The following SLC6A5 variants were observed in gnomAD, a reference collection of about 807,000 sequenced individuals.
The protein encoded by SLC6A5 is sodium- and chloride-dependent glycine transporter 2.
A neutral mutation model predicts 90.5 loss-of-function variants in SLC6A5; 58 were observed. The observed-to-expected ratio is 0.64, with a 90% CI of 0.52 to 0.80. The LOEUF (loss-of-function observed/expected upper bound fraction) is 0.80. Ranked by LOEUF, SLC6A5 falls within the 30% of genes least tolerant of loss-of-function variation. The pLI, the probability that SLC6A5 is intolerant of heterozygous loss-of-function variation, is 0.00. For synonymous variants in SLC6A5, 427 were observed against 401.4 expected, an observed-to-expected ratio of 1.06 and a Z score of -0.76; for missense variants, 1,015 against 1,017.6, an observed-to-expected ratio of 1.00 and a Z score of 0.03.
At chr11:20,629,706 G>C (rs554284126) in intron 9 of SLC6A5, among the ~76,000 whole-genome samples, 1 of 150,742 alleles carries the variant, frequency 6.6e-6, no homozygotes, top group South Asian at 2.1e-4. Flanking sequence ...TGTTAATATA[G>C]TCATCTCATA....
intron 1 of SLC6A5, among the ~76,000 whole-genome samples, chr11:20,600,335 GGAAGAA>G (rs55891826): frequency 0.14 from 12,610 of 87,762 alleles, 757 homozygotes; most frequent in African/African-American, 0.15. Context: ...AAGAAGAAGA[GGAAGAA>G]GAAGAAGAAG....
At chr11:20,633,128 C>T (rs541728688) in intron 10 of SLC6A5, among the ~76,000 whole-genome samples, 1 of 152,136 alleles carries the variant, frequency 6.6e-6, no homozygotes, top group Non-Finnish European at 1.5e-5. Context: ...ATATGCATTA[C>T]CACCTATGGA....
At chr11:20,614,098 C>T (rs922169614) in intron 5 of SLC6A5, among the ~76,000 whole-genome samples, 19 of 152,192 alleles carry the variant, frequency 1.2e-4, no homozygotes, top group Admixed American at 3.3e-4. Flanking sequence ...GTACACAGCA[C>T]GTGTATCCTA....
At chr11:20,636,827 A>T (rs553409865) in intron 11 of SLC6A5, among the ~76,000 whole-genome samples, 48 of 152,266 alleles carry the variant, frequency 3.2e-4, no homozygotes, top group Non-Finnish European at 6.8e-4. Context: ...GGGTGCAAAG[A>T]GGGTTTTTCC....
At chr11:20,631,437 T>C (rs189139261) in intron 10 of SLC6A5, among the ~76,000 whole-genome samples, 2 of 152,232 alleles carry the variant, frequency 1.3e-5, no homozygotes, top group African/African-American at 4.8e-5. Context: ...GATCTTTTTA[T>C]TAATGGCTAA....
intron 8 of SLC6A5, 66 bp from the exon 9 acceptor site, chr11:20,627,914 T>A: frequency 9.4e-6 from 11 of 1,168,776 alleles, no homozygotes; most frequent in Non-Finnish European, 1.4e-5. Context: ...ACTGGGTGTG[T>A]GACTCCTCTC....
intron 4 of SLC6A5, 75 bp downstream of exon 4, chr11:20,607,213 G>A: frequency 6.5e-7 from 1 of 1,538,342 alleles, no homozygotes; most frequent in Non-Finnish European, 8.8e-7. Flanking sequence ...CAGCCCCAGG[G>A]AGGGAGACCT....
chr11:20,647,365 T>TAA (rs1308513932), intron 14 of SLC6A5, among the ~76,000 whole-genome samples: 7 of 136,338 alleles, frequency 5.1e-5, no homozygotes, highest in Non-Finnish European at 9.5e-5. Context: ...GTTATATATA[T>TAA]AACTATATAT....
At chr11:20,630,248 A>T (rs533802613) in intron 9 of SLC6A5, among the ~76,000 whole-genome samples, 1 of 152,310 alleles carries the variant, frequency 6.6e-6, no homozygotes, top group South Asian at 2.1e-4. Context: ...CTGTGTCTTC[A>T]TATGGTGGAA....
chr11:20,637,122 C>T (rs2133809287), intron 11 of SLC6A5, 50 bp from the exon 12 acceptor site: 2 of 1,604,620 alleles, frequency 1.2e-6, no homozygotes, highest in Non-Finnish European at 1.7e-6. Context: ...GGGGGTACCT[C>T]CTGGGTGGTA....
rs1479545716 is a variant in SLC6A5 at position 20,658,336 on chromosome 11, A to T, written c.*3468A>T. On this transcript the variant is annotated 3_prime_UTR_variant, in exon 16 of 16. Transcript: ENST00000525748. ...GCTCAATGTAAGATGAGATGGCAAG[A>T]TCATACTACTGTTGTTGCACCTGGA... is the stretch of plus-strand genomic sequence containing the variant. 6.6e-6 allele frequency: 1 copy of T among 152,206 alleles called. No individual in the cohort carries two copies. The highest frequency in any genetic ancestry group is 1.5e-5 in the Non-Finnish European group (1 of 68,054). The allele number at this position is 152,206 out of a possible 1,614,324, so 9.4% of individuals were successfully genotyped here.
At position 20,614,823 on chromosome 11, in the gene SLC6A5, A is replaced by G; in HGVS notation, c.1127+3A>G. The G allele has an allele frequency of 6.2e-7, 1 of 1,612,512 alleles. No homozygotes were observed. The highest frequency in any genetic ancestry group is 8.5e-7 in the Non-Finnish European group (1 of 1,178,446). ...AGTGGAAGTGAAGAGTACTTCAAGT[A>G]AGATGACTTTCTTTTTCCTTTTTTA... On this transcript the variant is annotated splice_donor_region_variant and intron_variant, in intron 6 of 15. Coordinates refer to ENST00000525748, the MANE Select transcript of SLC6A5 (RefSeq NM_004211.5).
chr11:20,618,966 A>G (rs1305520210), intron 7 of SLC6A5, among the ~76,000 whole-genome samples: 1 of 151,712 alleles, frequency 6.6e-6, no homozygotes, highest in East Asian at 1.9e-4. Context: ...ACACACACAC[A>G]CACACACACA....
At position 20,655,213 on chromosome 11, in the gene SLC6A5, T is replaced by TG. The variant is rs946474503; in HGVS notation, c.*351dup. The TG allele has an allele frequency of 8.2e-6, 3 of 366,242 alleles. No individual in the cohort carries two copies. Among genetic ancestry groups the TG allele is most frequent in the Non-Finnish European group, 1.1e-5 (2 of 188,200 alleles). The allele number at this position is 366,242 out of a possible 1,614,324, so 22.7% of individuals were successfully genotyped here. A position where few individuals can be genotyped will look rare whatever the true frequency, so the allele number is the denominator to read the frequency against. ...GAGAGGTATCCACTGTGTGATGGCATGGGGGGTGCCAGTAAGGCATGTATA... is the reference window on the plus strand; with the variant it reads ...GAGAGGTATCCACTGTGTGATGGCATGGGGGGGTGCCAGTAAGGCATGTATA... On this transcript the variant is annotated 3_prime_UTR_variant, in exon 16 of 16. Transcript: ENST00000525748.
chr11:20,637,197 C>T lies in SLC6A5; in HGVS notation c.1763C>T (p.Thr588Ile), dbSNP rs1424340389. The T allele has an allele frequency of 1.2e-6, 2 of 1,613,808 alleles. No individual in the cohort carries two copies. Among genetic ancestry groups the T allele is most frequent in the African/African-American group, 1.3e-5 (1 of 74,860 alleles). ...TTTGCCACCATCGAGACCATAGTGA[C>T]CTCCATCTCAGACGAGTTTCCCAAG... ...TMFATIETIV[T>I]SISDEFPKYL... Residue 588 changes from threonine to isoleucine, a missense_variant, in exon 12 of 16, where the codon ACC becomes ATC. Thr to Ile is a moderately conservative substitution (Grantham distance 89). Coordinates refer to ENST00000525748, the MANE Select transcript of SLC6A5 (RefSeq NM_004211.5).
chr11:20,618,494 G>A (rs979835823), intron 7 of SLC6A5, among the ~76,000 whole-genome samples: 1 of 152,186 alleles, frequency 6.6e-6, no homozygotes, highest in African/African-American at 2.4e-5. Context: ...GTTAGTGATC[G>A]CATGGCTGGG....
intron 14 of SLC6A5, among the ~76,000 whole-genome samples, chr11:20,649,217 C>G (rs1853478370): frequency 6.6e-6 from 1 of 152,128 alleles, no homozygotes; most frequent in African/African-American, 2.4e-5. Context: ...AAATCTTATG[C>G]CAGAAAGTTG....
chr11:20,653,458 T>C (rs1853578554), intron 15 of SLC6A5, among the ~76,000 whole-genome samples: 1 of 152,062 alleles, frequency 6.6e-6, no homozygotes, highest in Admixed American at 6.5e-5. Context: ...GTTGGTCTGA[T>C]GGGTTGAAAA....
At chr11:20,631,982 A>G (rs1477579645) in intron 10 of SLC6A5, among the ~76,000 whole-genome samples, 2 of 152,156 alleles carry the variant, frequency 1.3e-5, no homozygotes, top group Non-Finnish European at 2.9e-5. Context: ...GGGTGCAATT[A>G]TCTCTCCCTG....
Sources: allele counts gnomAD v4.1 joint callset (sites outside exome capture counted in the v4.1 genomes callset), GRCh38; gene constraint gnomAD v4.1.1; transcripts MANE v1.5; gene names NCBI Gene and HGNC (gene_info 2026-07-23, HGNC 2026-07-21).